FGF12: variants seen among roughly 807,000 people sequenced by gnomAD.
The protein encoded by FGF12 is fibroblast growth factor 12, also known as fibroblast growth factor 12B.
FGF12 carries 14 observed loss-of-function variants against 23.6 expected under a neutral mutation model. The ratio of observed to expected loss-of-function variants is 0.59; its 90% CI spans 0.39 to 0.93. FGF12 has a LOEUF of 0.93. FGF12 is among the 40% of genes least tolerant of loss of function. FGF12 has a pLI of 0.00. For synonymous variants in FGF12, 62 were observed against 77.3 expected, an observed-to-expected ratio of 0.80 and a Z score of 1.04; for missense variants, 175 against 217.8, an observed-to-expected ratio of 0.80 and a Z score of 1.24.
intron 2 of FGF12, among the ~76,000 whole-genome samples, chr3:192,692,334 C>T (rs1325082954): frequency 6.6e-6 from 1 of 152,130 alleles, no homozygotes; most frequent in Admixed American, 6.5e-5. Flanking sequence ...GTGAGATTAT[C>T]CCTGGGGAGC....
chr3:192,464,070 C>T (rs565790438), intron 2 of FGF12, among the ~76,000 whole-genome samples: 6 of 152,138 alleles, frequency 3.9e-5, no homozygotes, highest in Admixed American at 3.9e-4. Context: ...CCTGGGTCCA[C>T]CCTTAGAGAT....
At chr3:192,450,570 T>G (rs905192031) in intron 2 of FGF12, among the ~76,000 whole-genome samples, 1 of 152,236 alleles carries the variant, frequency 6.6e-6, no homozygotes, top group Non-Finnish European at 1.5e-5. Flanking sequence ...GGCATTCATG[T>G]TATGATTCAT....
At position 192,531,045 on chromosome 3, in the gene FGF12, C is replaced by T. The variant is rs1023828133; in HGVS notation, c.14-170507G>A. On this transcript the variant is annotated intron_variant, in intron 2 of 5. Coordinates refer to ENST00000445105, the MANE Select transcript of FGF12 (RefSeq NM_004113.6). ...GGCCAGGCTGGTCTCGAACTGACCT[C>T]AGGTGATGCACCCACCTCGGCCTCT... Among the ~76,000 whole-genome samples, 4 of 152,174 alleles carry T rather than the reference C, an allele frequency of 2.6e-5. No homozygotes were observed. The South Asian group carries it at 6.2e-4, about 24-fold the overall frequency.
intron 2 of FGF12, among the ~76,000 whole-genome samples, chr3:192,483,786 G>GA (rs113707140): frequency 0.011 from 1,707 of 151,644 alleles, 27 homozygotes; most frequent in African/African-American, 0.039. Context: ...TACCCTAGAA[G>GA]AAAAAAAATG....
At chr3:192,187,401 A>C (rs1393059595) in intron 4 of FGF12, among the ~76,000 whole-genome samples, 1 of 152,204 alleles carries the variant, frequency 6.6e-6, no homozygotes, top group Non-Finnish European at 1.5e-5. Context: ...AATGTAAAAC[A>C]GCTATAAATG....
At chr3:192,296,062 C>CT (rs34021285) in intron 4 of FGF12, among the ~76,000 whole-genome samples, 4,473 of 78,126 alleles carry the variant, frequency 0.057, 127 homozygotes, top group Non-Finnish European at 0.075. Flanking sequence ...GTTTTTCTTT[C>CT]TTTTTTTTTT....
intron 2 of FGF12, among the ~76,000 whole-genome samples, chr3:192,371,218 A>G (rs1719214141): frequency 6.6e-6 from 1 of 152,212 alleles, no homozygotes; most frequent in African/African-American, 2.4e-5. Flanking sequence ...GCCATTCAGG[A>G]TAATCTAATT....
intron 2 of FGF12, among the ~76,000 whole-genome samples, chr3:192,628,556 A>C (rs376690677): frequency 2.7e-5 from 4 of 150,504 alleles, no homozygotes; most frequent in East Asian, 2.0e-4. Context: ...TTCCAACCAA[A>C]GTTTCATATA....
chr3:192,373,288 T>G (rs1252620467), intron 2 of FGF12, among the ~76,000 whole-genome samples: 1 of 146,364 alleles, frequency 6.8e-6, no homozygotes, highest in Non-Finnish European at 1.5e-5. Context: ...AAGCAAACAT[T>G]TTTTTTTTTT....
intron 2 of FGF12, among the ~76,000 whole-genome samples, chr3:192,422,618 A>C (rs549775541): frequency 6.6e-6 from 1 of 152,306 alleles, no homozygotes; most frequent in South Asian, 2.1e-4. Context: ...TCAAGTGCTT[A>C]TCATTTACCA....
intron 2 of FGF12, among the ~76,000 whole-genome samples, chr3:192,665,406 T>C (rs1716829617): frequency 6.6e-6 from 1 of 152,198 alleles, no homozygotes; most frequent in South Asian, 2.1e-4. Flanking sequence ...TGCCTTCATA[T>C]ACCCCATGGA....
intron 2 of FGF12, among the ~76,000 whole-genome samples, chr3:192,650,754 G>A (rs779432147): frequency 5.9e-5 from 9 of 152,100 alleles, no homozygotes; most frequent in Non-Finnish European, 1.2e-4. Flanking sequence ...ATCTCTTCAA[G>A]AGTAATATTT....
chr3:192,438,608 A>G (rs566701940), intron 2 of FGF12, among the ~76,000 whole-genome samples: 1 of 152,334 alleles, frequency 6.6e-6, no homozygotes, highest in Non-Finnish European at 1.5e-5. Flanking sequence ...TCTGAAGGGT[A>G]AAAGCCAGGG....
chr3:192,378,022 TTTCTTTTCTTTCTTTCTTTCTTTC>T (rs1347531344), intron 2 of FGF12, among the ~76,000 whole-genome samples: 1 of 70,720 alleles, frequency 1.4e-5, no homozygotes, highest in Non-Finnish European at 2.5e-5. Flanking sequence ...CTTCTGACTC[TTTCTTTTCTTTCTTTCTTTCTTTC>T]TTTCTTTCTT....
chr3:192,272,064 T>G (rs571891465), intron 4 of FGF12, among the ~76,000 whole-genome samples: 1 of 152,128 alleles, frequency 6.6e-6, no homozygotes, highest in Non-Finnish European at 1.5e-5. Context: ...CAAGTGATAT[T>G]AGGAATGACT....
chr3:192,313,009 T>C (rs936451706), intron 4 of FGF12, among the ~76,000 whole-genome samples: 1 of 152,184 alleles, frequency 6.6e-6, no homozygotes, highest in African/African-American at 2.4e-5. Context: ...TGCATAATTT[T>C]CTCTCCTTTT....
chr3:192,262,012 T>C (rs1016327214), intron 4 of FGF12, among the ~76,000 whole-genome samples: 11 of 152,114 alleles, frequency 7.2e-5, no homozygotes, highest in Non-Finnish European at 1.5e-4. Flanking sequence ...AATTAGAAAA[T>C]GTGTTCAGAT....
chr3:192,427,861 T>C (rs568577757), intron 2 of FGF12, among the ~76,000 whole-genome samples: 1 of 152,288 alleles, frequency 6.6e-6, no homozygotes, highest in East Asian at 1.9e-4. Context: ...GAAGTAGGTA[T>C]GGGGGACACA....
intron 4 of FGF12, among the ~76,000 whole-genome samples, chr3:192,217,332 G>T (rs9869920): frequency 0.33 from 50,828 of 152,092 alleles, 9,703 homozygotes; most frequent in East Asian, 0.89. Context: ...AACTGAATAA[G>T]TACTTTTTCC....
Sources: allele counts gnomAD v4.1 joint callset (sites outside exome capture counted in the v4.1 genomes callset), GRCh38; gene constraint gnomAD v4.1.1; transcripts MANE v1.5; gene names NCBI Gene and HGNC (gene_info 2026-07-23, HGNC 2026-07-21).